The following DCN variants were observed in gnomAD, a reference collection of about 807,000 sequenced individuals.
DCN encodes the protein bone proteoglycan II.
In DCN, 17 loss-of-function variants were observed where a neutral mutation model predicts 36.5. The ratio of observed to expected loss-of-function variants is 0.47; its 90% CI spans 0.32 to 0.70. DCN has a LOEUF of 0.70. DCN is among the 30% of genes least tolerant of loss of function. The pLI, the probability that DCN is intolerant of heterozygous loss-of-function variation, is 0.04. For synonymous variants in DCN, 163 were observed against 161.4 expected (o/e 1.01, Z -0.07); for missense variants, 389 against 430.1 (o/e 0.90, Z 0.84).
chr12:91,148,199 G>A (rs998679797), intron 7 of DCN, among the ~76,000 whole-genome samples: 5 of 151,014 alleles, frequency 3.3e-5, no homozygotes, highest in Non-Finnish European at 5.9e-5. Context: ...TCAGCCTCCC[G>A]AGTAGCTGGG....
intron 2 of DCN, 46 bp downstream of exon 2, chr12:91,178,296 G>T: frequency 6.5e-7 from 1 of 1,543,228 alleles, no homozygotes. Flanking sequence ...CCATTCCCAA[G>T]AATAAAACAA....
chr12:91,153,062 G>A (rs184225368), intron 6 of DCN, 34 bp downstream of exon 6: 3 of 1,138,320 alleles, frequency 2.6e-6, no homozygotes, highest in African/African-American at 3.0e-5. Flanking sequence ...CCTAGCCATT[G>A]TTCTGATAGA....
intron 2 of DCN, chr12:91,175,637 T>C (rs537873748): frequency 1.3e-5 from 2 of 152,216 alleles, no homozygotes; most frequent in South Asian, 4.1e-4. Context: ...CCTTCAACAT[T>C]GTAGCTTCTC....
chr12:91,169,403 C>T (rs1393197718), intron 2 of DCN, among the ~76,000 whole-genome samples: 9 of 97,804 alleles, frequency 9.2e-5, no homozygotes, highest in Non-Finnish European at 1.7e-4. Context: ...AAAAAAAAAC[C>T]AAAAAACAGA....
rs1334073745 is a variant in DCN at position 91,157,099 on chromosome 12, T to C, written c.628A>G (p.Thr210Ala). Reference sequence around the variant, plus strand: ...CCTTGAGGAATGCTGGTGATATTGGTATCAGCAATGCGGATGTAGGAGAGC... The same window carrying C: ...CCTTGAGGAATGCTGGTGATATTGGCATCAGCAATGCGGATGTAGGAGAGC... Reference protein sequence around the residue: ...KKLSYIRIADTNITSIPQGLP... With the variant: ...KKLSYIRIADANITSIPQGLP... The change falls in exon 5 of 8, where the codon ACC becomes GCC. Residue 210 changes from threonine to alanine, a missense_variant. Thr to Ala is a moderately conservative substitution (Grantham distance 58, BLOSUM62 0). Coordinates refer to ENST00000052754, the MANE Select transcript of DCN (RefSeq NM_001920.5). 2 of 1,607,378 alleles carry C rather than the reference T, an allele frequency of 1.2e-6. No individual in the cohort carries two copies. Among genetic ancestry groups the C allele is most frequent in the African/African-American group, 2.7e-5 (2 of 74,788 alleles).
In DCN at chr12:91,140,991, T is replaced by G. The variant is rs1880738470; in HGVS notation, c.*5067A>C. 1 of 152,338 alleles carries G rather than the reference T, an allele frequency of 6.6e-6. No individual in the cohort carries two copies. Among genetic ancestry groups the G allele is most frequent in the African/African-American group, 2.4e-5 (1 of 41,572 alleles). The allele number at this position is 152,338 out of a possible 1,614,324, so 9.4% of individuals were successfully genotyped here. On this transcript the variant is annotated 3_prime_UTR_variant, in exon 8 of 8. Coordinates refer to ENST00000052754, the MANE Select transcript of DCN (RefSeq NM_001920.5). The stretch of plus-strand genomic sequence containing the variant: ...CATATTTTGATCCCTTCTCAACAAT[T>G]TTTCTACTATTATCCAGGTCAAAGT...
chr12:91,176,931 T>C (rs890797682), intron 2 of DCN: 5 of 152,288 alleles, frequency 3.3e-5, no homozygotes, highest in African/African-American at 1.2e-4. Context: ...GCAGGTCATC[T>C]CTAGATGCTT....
intron 1 of DCN, chr12:91,179,635 A>G (rs1883490408): frequency 6.6e-6 from 1 of 152,146 alleles, no homozygotes; most frequent in South Asian, 2.1e-4. Context: ...GACTCAATTG[A>G]CCATCACTTT....
At chr12:91,151,556 A>T (rs1278285916) in intron 7 of DCN, 98 bp downstream of exon 7, 3 of 1,440,582 alleles carry the variant, frequency 2.1e-6, no homozygotes, top group Non-Finnish European at 2.9e-6. Context: ...CTGGAAAAAA[A>T]ACTTCTAAGA....
intron 2 of DCN, among the ~76,000 whole-genome samples, chr12:91,174,243 T>G (rs1437610514): frequency 1.3e-5 from 2 of 152,144 alleles, no homozygotes; most frequent in Non-Finnish European, 2.9e-5. Flanking sequence ...TATTTACATT[T>G]GGAGATGATG....
rs1434367362 is a variant in DCN at position 91,151,908 on chromosome 12, T to C, written c.747-116A>G. The C allele has an allele frequency of 4.3e-6, 5 of 1,172,828 alleles. No individual in the cohort carries two copies. The African/African-American group carries it at 4.6e-5, about 11-fold the overall frequency. 72.7% of individuals were successfully genotyped at this position (1,172,828 alleles called of 1,614,324 possible). On this transcript the variant is annotated intron_variant, in intron 6 of 7. Coordinates refer to ENST00000052754, the MANE Select transcript of DCN (RefSeq NM_001920.5). ...CATTTTTTGTTTTTGCACTTACTCT[T>C]CCCAGTTCTTGGAGTGCTTTCTCCA...
Position 91,158,281 on chromosome 12 carries a change from T to C in DCN, c.538+15A>G. ...AACTTGAGTTTTGGTCTTAAAGTTATAAAAATGTCTGTACCTATGACAATC... is the reference window on the plus strand; with the variant it reads ...AACTTGAGTTTTGGTCTTAAAGTTACAAAAATGTCTGTACCTATGACAATC... On this transcript the variant is annotated intron_variant, in intron 4 of 7. Transcript: ENST00000052754. The C allele has an allele frequency of 6.5e-7, 1 of 1,542,774 alleles. No individual in the cohort carries two copies. Among genetic ancestry groups the C allele is most frequent in the African/African-American group, 1.4e-5 (1 of 73,570 alleles).
chr12:91,179,143 T>C (rs1175280911), intron 1 of DCN: 1 of 161,978 alleles, frequency 6.2e-6, no homozygotes, highest in Non-Finnish European at 1.4e-5. Context: ...TGAGTCATCG[T>C]CTAAAAATTC....
At position 91,151,800 on chromosome 12, in the gene DCN, A is replaced by T; in HGVS notation, c.747-8T>A. The T allele has an allele frequency of 6.2e-7, 1 of 1,613,916 alleles. No homozygotes were observed. The highest frequency in any genetic ancestry group is 8.5e-7 in the Non-Finnish European group (1 of 1,179,836). On this transcript the variant is annotated splice_region_variant and splice_polypyrimidine_tract_variant and intron_variant, in intron 6 of 7. Coordinates refer to ENST00000052754, the MANE Select transcript of DCN (RefSeq NM_001920.5). ...TTGAAACTCAATCCCAACCTGCAAC[A>T]GAAAGCAGAAATGAAAGCAAACACC...
intron 5 of DCN, among the ~76,000 whole-genome samples, chr12:91,156,707 T>A (rs1881800969): frequency 6.6e-6 from 1 of 152,024 alleles, no homozygotes; most frequent in Non-Finnish European, 1.5e-5. Context: ...TTTTTTTTTT[T>A]TTTACAAACA....
At chr12:91,164,468 A>G (rs1882401362) in intron 3 of DCN, 137 bp downstream of exon 3, 1 of 457,146 alleles carries the variant, frequency 2.2e-6, no homozygotes, top group Non-Finnish European at 3.9e-6. Context: ...AAAGTAAAAA[A>G]AAAAAAAAAA....
chr12:91,160,431 T>TGTAG (rs1882086666), intron 3 of DCN, among the ~76,000 whole-genome samples: 1 of 152,080 alleles, frequency 6.6e-6, no homozygotes, highest in Non-Finnish European at 1.5e-5. Context: ...AAGCCATTTA[T>TGTAG]GTAGGTCTTA....
At chr12:91,168,284 T>G (rs1380201572) in intron 2 of DCN, among the ~76,000 whole-genome samples, 2 of 152,220 alleles carry the variant, frequency 1.3e-5, no homozygotes, top group African/African-American at 2.4e-5. Context: ...TTTATTTCTA[T>G]TTCCATTCTA....
intron 3 of DCN, among the ~76,000 whole-genome samples, chr12:91,164,258 C>G (rs1314571631): frequency 1.3e-5 from 2 of 151,292 alleles, no homozygotes; most frequent in Admixed American, 6.6e-5. Context: ...GGAGATATAC[C>G]TAATGCTAGA....
Sources: allele counts gnomAD v4.1 joint callset (sites outside exome capture counted in the v4.1 genomes callset), GRCh38; gene constraint gnomAD v4.1.1; transcripts MANE v1.5; gene names NCBI Gene and HGNC (gene_info 2026-07-23, HGNC 2026-07-21).